The following ZMAT4 variants were observed in gnomAD, a reference collection of about 807,000 sequenced individuals.
ZMAT4 encodes the protein zinc finger matrin-type 4, also known as zinc finger matrin-type protein 4.
A neutral mutation model predicts 28.7 loss-of-function variants in ZMAT4; 17 were observed. That is an observed-to-expected ratio of 0.59 (90% CI 0.41 to 0.89). The LOEUF is 0.89. Ranked by LOEUF, ZMAT4 falls within the 40% of genes least tolerant of loss-of-function variation. ZMAT4 has a pLI of 0.00. For synonymous variants in ZMAT4, 117 were observed against 109.2 expected (o/e 1.07, Z -0.44); for missense variants, 240 against 283.8 (o/e 0.85, Z 1.11).
chr8:40,859,743 T>C (rs1188421237), intron 1 of ZMAT4, among the ~76,000 whole-genome samples: 2 of 151,858 alleles, frequency 1.3e-5, no homozygotes, highest in African/African-American at 4.8e-5. Context: ...ACCAAGCTTC[T>C]AAAAGAGCCC....
chr8:40,862,085 A>T (rs539719932), intron 1 of ZMAT4, among the ~76,000 whole-genome samples: 246 of 152,312 alleles, frequency 1.6e-3, no homozygotes, highest in African/African-American at 5.7e-3. Flanking sequence ...TACCCAAAGG[A>T]TTATAAATCA....
intron 5 of ZMAT4, among the ~76,000 whole-genome samples, chr8:40,639,323 AGAT>A (rs1806918543): frequency 6.6e-6 from 1 of 152,098 alleles, no homozygotes; most frequent in Admixed American, 6.5e-5. Context: ...ATGAGATTGG[AGAT>A]GGTCTGTGAA....
rs16889837 is a variant in ZMAT4 at position 40,675,597 on chromosome 8, T to G, written c.350-666A>C. Among the ~76,000 whole-genome samples, 760 of 152,312 alleles carry G rather than the reference T, an allele frequency of 5.0e-3. 6 individuals are homozygous for G. The highest frequency in any genetic ancestry group is 0.017 in the African/African-American group (720 of 41,580). On this transcript the variant is annotated intron_variant, in intron 4 of 6. Transcript: ENST00000297737. ...GTCAAAATAAAGCTAATACTTGAAG[T>G]AAACATTGGACAGTCATGACTTAAA...
intron 3 of ZMAT4, among the ~76,000 whole-genome samples, chr8:40,700,016 G>C (rs955801933): frequency 6.6e-5 from 10 of 152,206 alleles, no homozygotes; most frequent in African/African-American, 1.7e-4. Context: ...CCAGGACAAA[G>C]AGTTGCCCTT....
At chr8:40,891,493 C>T (rs1818685928) in intron 1 of ZMAT4, among the ~76,000 whole-genome samples, 1 of 152,020 alleles carries the variant, frequency 6.6e-6, no homozygotes, top group African/African-American at 2.4e-5. Flanking sequence ...CCTTCCCAAG[C>T]TTGAGCCTGT....
intron 1 of ZMAT4, among the ~76,000 whole-genome samples, chr8:40,849,811 A>G (rs1029382940): frequency 2.6e-5 from 4 of 152,154 alleles, no homozygotes; most frequent in African/African-American, 9.7e-5. Flanking sequence ...GCTCAATTAC[A>G]TAGCAGTTTA....
intron 3 of ZMAT4, among the ~76,000 whole-genome samples, chr8:40,746,230 TCCCTCCCTCCCTCCC>T (rs1812210785): frequency 0.2 from 2,010 of 10,018 alleles, 114 homozygotes; most frequent in East Asian, 0.52. Flanking sequence ...CTTCCCTCCC[TCCCTCCCTCCCTCCC>T]TCCCTCCCTC....
intron 6 of ZMAT4, among the ~76,000 whole-genome samples, chr8:40,545,387 T>C (rs921325217): frequency 2.0e-5 from 3 of 152,132 alleles, no homozygotes; most frequent in African/African-American, 7.2e-5. Context: ...TAAGCAACAA[T>C]TGATAACTAA....
intron 2 of ZMAT4, among the ~76,000 whole-genome samples, chr8:40,822,938 A>T (rs948506442): frequency 6.6e-6 from 1 of 152,268 alleles, no homozygotes; most frequent in Admixed American, 6.5e-5. Flanking sequence ...CTAAACAATT[A>T]GATTGTGCAA....
intron 1 of ZMAT4, chr8:40,884,671 T>G (rs1239143210): frequency 6.6e-6 from 1 of 152,348 alleles, no homozygotes; most frequent in Admixed American, 6.5e-5. Context: ...AATGCTTTGC[T>G]TAGTTTCTGA....
At chr8:40,840,736 A>G (rs955284243) in intron 1 of ZMAT4, among the ~76,000 whole-genome samples, 1 of 152,192 alleles carries the variant, frequency 6.6e-6, no homozygotes, top group Non-Finnish European at 1.5e-5. Flanking sequence ...GATAGGTTCA[A>G]TACTGCTTAA....
chr8:40,825,503 T>C lies in ZMAT4; in HGVS notation c.102+72A>G, dbSNP rs2150612260. The stretch of plus-strand genomic sequence containing the variant: ...TGCCCCAAGTCCAGAAGGAGGATCC[T>C]GGAGTCCTACAACAATGACCCGGGC... On this transcript the variant is annotated intron_variant, in intron 2 of 6. Coordinates refer to ENST00000297737, the MANE Select transcript of ZMAT4 (RefSeq NM_024645.3). 11 of 1,305,432 alleles carry C rather than the reference T, an allele frequency of 8.4e-6. No homozygotes were observed. In the South Asian group the frequency reaches 1.4e-4, roughly 17 times the overall value. The allele number at this position is 1,305,432 out of a possible 1,614,324, so 80.9% of individuals were successfully genotyped here.
At chr8:40,597,559 G>A (rs939516965) in intron 5 of ZMAT4, among the ~76,000 whole-genome samples, 3 of 152,144 alleles carry the variant, frequency 2.0e-5, no homozygotes, top group Admixed American at 6.5e-5. Flanking sequence ...CCCAGGCCCT[G>A]TTTTATCTTA....
intron 5 of ZMAT4, among the ~76,000 whole-genome samples, chr8:40,639,239 A>G (rs1469699901): frequency 1.3e-5 from 2 of 152,170 alleles, no homozygotes; most frequent in African/African-American, 4.8e-5. Flanking sequence ...ACTGCTTTGC[A>G]CAATTTTTAA....
intron 1 of ZMAT4, among the ~76,000 whole-genome samples, chr8:40,838,474 C>T (rs1816579044): frequency 6.6e-6 from 1 of 152,196 alleles, no homozygotes; most frequent in Admixed American, 6.5e-5. Flanking sequence ...TCCAGAGTAG[C>T]TGGGACTACA....
intron 6 of ZMAT4, among the ~76,000 whole-genome samples, chr8:40,568,055 TC>T (rs1453994425): frequency 2.6e-5 from 4 of 152,068 alleles, no homozygotes; most frequent in African/African-American, 9.7e-5. Context: ...ACGTAGAGAA[TC>T]CCACAGACCA....
intron 3 of ZMAT4, among the ~76,000 whole-genome samples, chr8:40,746,213 TTCCCTCCTTCCCTCCCTCCCTCCC>T (rs1240126890): frequency 6.2e-5 from 6 of 96,414 alleles, no homozygotes; most frequent in Admixed American, 1.2e-4. Context: ...CCTTCCCTCC[TTCCCTCCTTCCCTCCCTCCCTCCC>T]TCCCTCCCTC....
chr8:40,570,727 A>AAAACAAACAAACAAAC (rs56953458), intron 6 of ZMAT4, among the ~76,000 whole-genome samples: 5 of 150,896 alleles, frequency 3.3e-5, no homozygotes, highest in African/African-American at 4.9e-5. Flanking sequence ...ACAACGACAG[A>AAAACAAACAAACAAAC]AAACAAACAA....
chr8:40,798,075 A>G (rs1037631197), intron 2 of ZMAT4, among the ~76,000 whole-genome samples: 5 of 152,230 alleles, frequency 3.3e-5, no homozygotes, highest in African/African-American at 1.2e-4. Flanking sequence ...AAGAGGGCAC[A>G]GTATGTCGCC....
Sources: gnomAD v4.1 joint callset for allele counts (sites outside exome capture counted in the v4.1 genomes callset) on GRCh38, gnomAD v4.1.1 for gene constraint, MANE v1.5 for transcripts, NCBI Gene and HGNC (gene_info 2026-07-23, HGNC 2026-07-21) for gene names.